Variants in ASCC1 observed in about 807,000 individuals in gnomAD.
ASCC1 encodes the protein ASC-1 complex subunit P50.
A neutral mutation model predicts 46.6 loss-of-function variants in ASCC1; 35 were observed. The observed-to-expected ratio is 0.75, with a 90% CI of 0.57 to 0.99. The LOEUF (loss-of-function observed/expected upper bound fraction) is 0.99, where lower values mean the gene tolerates loss of function less well. ASCC1 is among the 50% of genes least tolerant of loss of function. The pLI is 0.00. For synonymous variants in ASCC1, 143 were observed against 146.6 expected, an observed-to-expected ratio of 0.98 and a Z score of 0.18; for missense variants, 376 against 428.7, an observed-to-expected ratio of 0.88 and a Z score of 1.09.
chr10:72,109,107 C>T (rs926254476), intron 9 of ASCC1, among the ~76,000 whole-genome samples: 1 of 152,082 alleles, frequency 6.6e-6, no homozygotes, highest in Non-Finnish European at 1.5e-5. Context: ...ATTATAGTAG[C>T]TAATAATAGC....
intron 6 of ASCC1, among the ~76,000 whole-genome samples, chr10:72,160,873 A>G (rs11000195): frequency 0.35 from 52,225 of 151,124 alleles, 10,374 homozygotes; most frequent in Non-Finnish European, 0.45. Flanking sequence ...CACAAGGTCA[A>G]GAGATCAAGA....
At chr10:72,170,124 G>GA (rs112103477) in intron 5 of ASCC1, among the ~76,000 whole-genome samples, 6,591 of 136,118 alleles carry the variant, frequency 0.048, 172 homozygotes, top group African/African-American at 0.073. Context: ...CCGTCTCAAA[G>GA]AAAAAAAAAA....
chr10:72,187,467 T>C (rs1256833108), intron 5 of ASCC1, among the ~76,000 whole-genome samples: 1 of 151,816 alleles, frequency 6.6e-6, no homozygotes. Flanking sequence ...ACGCCTGTAA[T>C]CCCAGCACTT....
intron 5 of ASCC1, among the ~76,000 whole-genome samples, chr10:72,185,013 GA>G (rs966042971): frequency 2.6e-5 from 4 of 152,268 alleles, no homozygotes; most frequent in African/African-American, 9.6e-5. Context: ...ATGAGCACAT[GA>G]AAAGATGCTT....
rs556852177 is a variant in ASCC1 at position 72,105,016 on chromosome 10, A to G, written c.958-7566T>C. Among the ~76,000 whole-genome samples, 11 of 152,228 alleles carry G rather than the reference A, an allele frequency of 7.2e-5. No homozygotes were observed. In the South Asian group the frequency reaches 2.1e-3, roughly 29 times the overall value. ...TACTTGCCCATCCCGTCCCTTCTCC[A>G]GCTCCCATGTCTGCTGAGAGCCATT... On this transcript the variant is annotated intron_variant, in intron 9 of 9. Coordinates refer to ENST00000672957, the MANE Select transcript of ASCC1 (RefSeq NM_001198800.3).
At chr10:72,113,978 C>T (rs1229628582) in intron 9 of ASCC1, among the ~76,000 whole-genome samples, 1 of 152,122 alleles carries the variant, frequency 6.6e-6, no homozygotes, top group East Asian at 1.9e-4. Context: ...AAATTAGCAC[C>T]ATTTACTTGC....
intron 9 of ASCC1, among the ~76,000 whole-genome samples, chr10:72,098,593 G>A (rs946016890): frequency 1.1e-4 from 17 of 152,344 alleles, no homozygotes; most frequent in South Asian, 1.0e-3. Flanking sequence ...ACAAGTGACT[G>A]TCTTTTCACT....
intron 7 of ASCC1, among the ~76,000 whole-genome samples, chr10:72,135,987 T>C (rs1024682487): frequency 6.6e-6 from 1 of 152,176 alleles, no homozygotes; most frequent in Non-Finnish European, 1.5e-5. Flanking sequence ...TGGTAAGCCA[T>C]AGGAAACCGA....
intron 7 of ASCC1, among the ~76,000 whole-genome samples, chr10:72,134,694 G>T (rs1360651049): frequency 1.3e-5 from 2 of 151,978 alleles, no homozygotes; most frequent in Admixed American, 6.6e-5. Flanking sequence ...CTTATACCAG[G>T]GCATCTCACT....
intron 9 of ASCC1, among the ~76,000 whole-genome samples, chr10:72,113,759 A>G (rs1190767978): frequency 6.6e-6 from 1 of 152,206 alleles, no homozygotes; most frequent in East Asian, 1.9e-4. Flanking sequence ...AGATCCTTTA[A>G]AACATAGTAT....
intron 9 of ASCC1, among the ~76,000 whole-genome samples, chr10:72,100,099 G>A (rs765544104): frequency 1.1e-4 from 17 of 151,968 alleles, no homozygotes; most frequent in Non-Finnish European, 1.9e-4. Flanking sequence ...TCATCCAGAC[G>A]TCCCTAGTGC....
intron 5 of ASCC1, among the ~76,000 whole-genome samples, chr10:72,182,905 G>C (rs1419149029): frequency 2.7e-5 from 4 of 149,512 alleles, no homozygotes; most frequent in African/African-American, 7.6e-5. Flanking sequence ...AAATATAAAG[G>C]ACAGTATCAG....
intron 3 of ASCC1, among the ~76,000 whole-genome samples, chr10:72,208,226 G>C (rs1405116073): frequency 1.3e-5 from 2 of 151,720 alleles, no homozygotes; most frequent in African/African-American, 4.8e-5. Flanking sequence ...TTAGAATATA[G>C]AGAAATCAAA....
At chr10:72,190,369 T>C (rs1854235458) in intron 5 of ASCC1, 25 of 1,494,788 alleles carry the variant, frequency 1.7e-5, no homozygotes, top group Non-Finnish European at 2.1e-5. Context: ...TCCTCATTGA[T>C]CCAGTCCATA....
intron 7 of ASCC1, among the ~76,000 whole-genome samples, chr10:72,142,476 C>T (rs1847140408): frequency 6.6e-6 from 1 of 151,930 alleles, no homozygotes; most frequent in Non-Finnish European, 1.5e-5. Context: ...AGACAATCCT[C>T]CTGCCACAGC....
At chr10:72,164,781 T>C (rs1270358049) in intron 5 of ASCC1, among the ~76,000 whole-genome samples, 1 of 152,232 alleles carries the variant, frequency 6.6e-6, no homozygotes, top group East Asian at 1.9e-4. Flanking sequence ...TCCCCACATC[T>C]TCACTGACAC....
chr10:72,212,508 G>A (rs1354429123), intron 2 of ASCC1, among the ~76,000 whole-genome samples: 3 of 152,004 alleles, frequency 2.0e-5, no homozygotes, highest in Non-Finnish European at 4.4e-5. Context: ...ACATTATTGG[G>A]CAATGGACTA....
Position 72,188,809 on chromosome 10 carries a change from C to T in ASCC1, c.489+8002G>A, listed in dbSNP as rs537681155. Among the ~76,000 whole-genome samples the T allele has an allele frequency of 9.2e-5, 14 of 152,168 alleles. No individual in the cohort carries two copies. In the East Asian group the frequency reaches 2.7e-3, roughly 30 times the overall value. On this transcript the variant is annotated intron_variant, in intron 5 of 9. Transcript: ENST00000672957. The stretch of plus-strand genomic sequence containing the variant: ...ACAGGGTCTCACTCTGTCACCCAGG[C>T]TAGTAGTGCACAATCATGGCTCACT...
chr10:72,120,146 T>C (rs1192954394), intron 9 of ASCC1, among the ~76,000 whole-genome samples: 1 of 152,160 alleles, frequency 6.6e-6, no homozygotes. Flanking sequence ...GAGAATTGAC[T>C]GAACCCAGGA....
Sources: gnomAD v4.1 joint callset for allele counts (sites outside exome capture counted in the v4.1 genomes callset) on GRCh38, gnomAD v4.1.1 for gene constraint, MANE v1.5 for transcripts, NCBI Gene and HGNC (gene_info 2026-07-23, HGNC 2026-07-21) for gene names.